Variants in CACNA2D3 observed in about 807,000 individuals in gnomAD.
CACNA2D3 encodes calcium voltage-gated channel auxiliary subunit alpha2delta 3.
A neutral mutation model predicts 160.6 loss-of-function variants in CACNA2D3; 60 were observed. The observed-to-expected ratio is 0.37, with a 90% CI of 0.30 to 0.46. CACNA2D3 has a LOEUF of 0.46. CACNA2D3 is among the 20% of genes least tolerant of loss of function. The probability of loss-of-function intolerance (pLI) is 1.00; values close to 1 mark genes in which losing one functional copy is unlikely to be tolerated. For missense variants in CACNA2D3, 1,205 were observed against 1,365.0 expected (o/e 0.88, Z 1.85); for synonymous variants, 558 against 492.9 (o/e 1.13, Z -1.75).
chr3:54,604,927 C>T (rs1455288046), intron 9 of CACNA2D3, among the ~76,000 whole-genome samples: 2 of 152,130 alleles, frequency 1.3e-5, no homozygotes, highest in Non-Finnish European at 2.9e-5. Flanking sequence ...AAGTAGGTGG[C>T]TTAAAACAGC....
chr3:54,731,912 A>G (rs1433417446), intron 11 of CACNA2D3, among the ~76,000 whole-genome samples: 2 of 152,066 alleles, frequency 1.3e-5, no homozygotes, highest in East Asian at 3.9e-4. Context: ...ATTGAAACTG[A>G]CTTTGTATTG....
At chr3:54,655,411 C>A (rs967102585) in intron 11 of CACNA2D3, among the ~76,000 whole-genome samples, 1 of 152,216 alleles carries the variant, frequency 6.6e-6, no homozygotes, top group Non-Finnish European at 1.5e-5. Flanking sequence ...TCATTATCAT[C>A]GTTACCATAA....
Position 54,909,838 on chromosome 3 carries a change from G to A in CACNA2D3, c.2449+9970G>A, listed in dbSNP as rs375348275. 3.7e-4 allele frequency among the ~76,000 whole-genome samples: 56 copies of A among 152,192 alleles called. No individual in the cohort carries two copies. The South Asian group carries it at 6.9e-3, about 19-fold the overall frequency. ...AGTAAAGGGAGACTTCAAGGAGAAA[G>A]TGATCAGCGTGGTGAAGAAGACAAT... On this transcript the variant is annotated intron_variant, in intron 27 of 37. Coordinates refer to ENST00000474759, the MANE Select transcript of CACNA2D3 (RefSeq NM_018398.3).
At chr3:54,799,487 G>C (rs1702937206) in intron 13 of CACNA2D3, among the ~76,000 whole-genome samples, 1 of 152,128 alleles carries the variant, frequency 6.6e-6, no homozygotes, top group African/African-American at 2.4e-5. Flanking sequence ...GGTATTTCTA[G>C]TTAAGTTACT....
intron 27 of CACNA2D3, among the ~76,000 whole-genome samples, chr3:54,915,080 T>G (rs1161795522): frequency 2.0e-5 from 3 of 152,252 alleles, no homozygotes; most frequent in African/African-American, 7.2e-5. Context: ...GAAATCTGTG[T>G]GTGCATCACT....
intron 9 of CACNA2D3, among the ~76,000 whole-genome samples, chr3:54,613,546 G>A (rs1013976349): frequency 6.6e-6 from 1 of 152,156 alleles, no homozygotes; most frequent in African/African-American, 2.4e-5. Context: ...TCTAAGGGTC[G>A]CTGAGAAGGC....
At chr3:55,003,841 G>A (rs1703033422) in intron 31 of CACNA2D3, among the ~76,000 whole-genome samples, 3 of 152,096 alleles carry the variant, frequency 2.0e-5, no homozygotes, top group African/African-American at 4.8e-5. Flanking sequence ...TTCCTCTTTG[G>A]CAGATCTGGC....
intron 17 of CACNA2D3, among the ~76,000 whole-genome samples, chr3:54,854,589 AGGC>A: frequency 6.6e-6 from 1 of 152,194 alleles, no homozygotes; most frequent in East Asian, 1.9e-4. Flanking sequence ...CGCAGCACCC[AGGC>A]TACCAGGAAT....
chr3:54,995,200 C>G (rs1350913360), intron 31 of CACNA2D3, among the ~76,000 whole-genome samples: 2 of 152,112 alleles, frequency 1.3e-5, no homozygotes, highest in Non-Finnish European at 2.9e-5. Context: ...TCTTGAACTC[C>G]TGACCTCAGG....
chr3:54,745,798 A>AT (rs918981276), intron 11 of CACNA2D3, among the ~76,000 whole-genome samples: 3 of 151,284 alleles, frequency 2.0e-5, no homozygotes, highest in African/African-American at 7.3e-5. Flanking sequence ...ACAAAGAATA[A>AT]TTTTTTTTTC....
intron 27 of CACNA2D3, among the ~76,000 whole-genome samples, chr3:54,912,873 A>C (rs1231388524): frequency 6.6e-6 from 1 of 152,122 alleles, no homozygotes; most frequent in East Asian, 1.9e-4. Context: ...ATCTTTAATG[A>C]ATGAAGACAG....
intron 5 of CACNA2D3, among the ~76,000 whole-genome samples, chr3:54,557,394 G>A (rs1274744899): frequency 6.6e-6 from 1 of 152,110 alleles, no homozygotes; most frequent in East Asian, 1.9e-4. Context: ...TCCTCAGGGG[G>A]CAATCTTAGA....
At chr3:54,554,688 A>C (rs1308159907) in intron 5 of CACNA2D3, among the ~76,000 whole-genome samples, 1 of 152,114 alleles carries the variant, frequency 6.6e-6, no homozygotes, top group Non-Finnish European at 1.5e-5. Context: ...TCCAGGTCCA[A>C]GGCCATCAGC....
intron 18 of CACNA2D3, among the ~76,000 whole-genome samples, chr3:54,871,850 C>G (rs888622980): frequency 3.3e-5 from 5 of 152,202 alleles, no homozygotes; most frequent in Admixed American, 2.6e-4. Context: ...CTTGTGCAGT[C>G]TACTAAAACC....
chr3:54,249,662 T>TAC (rs10656572), intron 2 of CACNA2D3, among the ~76,000 whole-genome samples: 23,874 of 132,574 alleles, frequency 0.18, 2,234 homozygotes, highest in African/African-American at 0.24. Flanking sequence ...TCTGTTTACG[T>TAC]ACACACACAC....
intron 2 of CACNA2D3, among the ~76,000 whole-genome samples, chr3:54,245,240 AATTTT>A: frequency 6.6e-6 from 1 of 152,148 alleles, no homozygotes; most frequent in East Asian, 1.9e-4. Flanking sequence ...ATTTAAATTT[AATTTT>A]AAGTTCCAAG....
intron 18 of CACNA2D3, chr3:54,878,815 A>G (rs983525402): frequency 9.6e-6 from 4 of 414,862 alleles, no homozygotes; most frequent in African/African-American, 8.3e-5. Context: ...CGAGCTCCCC[A>G]AATTAAAGAT....
chr3:54,599,041 G>T (rs1703015125), intron 9 of CACNA2D3, among the ~76,000 whole-genome samples: 1 of 152,188 alleles, frequency 6.6e-6, no homozygotes, highest in South Asian at 2.1e-4. Flanking sequence ...CAACTAGCAA[G>T]AGGTCCCACC....
intron 4 of CACNA2D3, among the ~76,000 whole-genome samples, chr3:54,438,754 T>A (rs1700097079): frequency 6.6e-6 from 1 of 152,182 alleles, no homozygotes; most frequent in Non-Finnish European, 1.5e-5. Context: ...AAGGGGTAAT[T>A]TAACAATCAT....
Sources: allele counts gnomAD v4.1 joint callset (sites outside exome capture counted in the v4.1 genomes callset), GRCh38; gene constraint gnomAD v4.1.1; transcripts MANE v1.5; gene names NCBI Gene and HGNC (gene_info 2026-07-23, HGNC 2026-07-21).